GALNTL6: variants seen among roughly 807,000 people sequenced by gnomAD.
GALNTL6 encodes the protein polypeptide N-acetylgalactosaminyltransferase-like 6.
In GALNTL6, 46 loss-of-function variants were observed where a neutral mutation model predicts 73.7. The ratio of observed to expected loss-of-function variants is 0.62; its 90% CI spans 0.49 to 0.80. The LOEUF (loss-of-function observed/expected upper bound fraction) is 0.80. Ranked by LOEUF, GALNTL6 falls within the 30% of genes least tolerant of loss-of-function variation. GALNTL6 has a pLI of 0.00. For synonymous variants in GALNTL6, 259 were observed against 263.7 expected, an observed-to-expected ratio of 0.98 and a Z score of 0.17; for missense variants, 604 against 755.0, an observed-to-expected ratio of 0.80 and a Z score of 2.34.
intron 5 of GALNTL6, among the ~76,000 whole-genome samples, chr4:172,698,231 C>T (rs891602642): frequency 7.2e-5 from 11 of 152,028 alleles, no homozygotes; most frequent in African/African-American, 1.2e-4. Context: ...CTGATGATCT[C>T]GTGTCTTTCT....
intron 5 of GALNTL6, among the ~76,000 whole-genome samples, chr4:172,799,917 A>G (rs764534868): frequency 1.3e-5 from 2 of 152,210 alleles, no homozygotes; most frequent in Non-Finnish European, 2.9e-5. Context: ...TATAAATACA[A>G]TGGAATATTC....
At chr4:172,290,412 G>A (rs1739424757) in intron 3 of GALNTL6, among the ~76,000 whole-genome samples, 1 of 152,018 alleles carries the variant, frequency 6.6e-6, no homozygotes, top group African/African-American at 2.4e-5. Context: ...GTTTATGTCT[G>A]TTTTCTTAGC....
intron 2 of GALNTL6, among the ~76,000 whole-genome samples, chr4:171,829,906 A>C (rs1303468333): frequency 6.6e-6 from 1 of 152,098 alleles, no homozygotes; most frequent in African/African-American, 2.4e-5. Context: ...CTTAAAATGC[A>C]GAGGTCATTC....
At chr4:172,860,104 C>T (rs1475173525) in intron 7 of GALNTL6, among the ~76,000 whole-genome samples, 3 of 152,066 alleles carry the variant, frequency 2.0e-5, no homozygotes, top group African/African-American at 4.8e-5. Context: ...GAAATTGGTC[C>T]CTGGTGCCAA....
At chr4:172,290,739 A>G (rs751882446) in intron 3 of GALNTL6, among the ~76,000 whole-genome samples, 4 of 151,860 alleles carry the variant, frequency 2.6e-5, no homozygotes, top group Non-Finnish European at 5.9e-5. Context: ...GATATAAAAT[A>G]TTTATCATAT....
intron 7 of GALNTL6, among the ~76,000 whole-genome samples, chr4:172,818,843 C>T (rs866538144): frequency 6.6e-5 from 10 of 152,332 alleles, no homozygotes; most frequent in Middle Eastern, 3.4e-3. Context: ...ATGATCTGCC[C>T]GCCTTAGCCT....
intron 8 of GALNTL6, among the ~76,000 whole-genome samples, chr4:172,916,859 G>A (rs907866442): frequency 6.6e-6 from 1 of 152,136 alleles, no homozygotes; most frequent in African/African-American, 2.4e-5. Context: ...TCCCCGTCAA[G>A]CTACCAATGA....
intron 5 of GALNTL6, among the ~76,000 whole-genome samples, chr4:172,757,206 A>G (rs894230423): frequency 1.3e-4 from 20 of 152,330 alleles, no homozygotes; most frequent in African/African-American, 4.6e-4. Flanking sequence ...GCTACTCTTC[A>G]GATAACAGAG....
In GALNTL6 at chr4:172,328,716, G is replaced by A. The variant is rs1007108033; in HGVS notation, c.386+16964G>A. 4.6e-5 allele frequency among the ~76,000 whole-genome samples: 7 copies of A among 152,184 alleles called. No homozygotes were observed. The East Asian group carries it at 9.7e-4, about 21-fold the overall frequency. On this transcript the variant is annotated intron_variant, in intron 4 of 12. Transcript: ENST00000506823. ...CTGGCTATTGCATTGAGAAATTCTC[G>A]TAGTGTGTTTTTTCATACTGGGTGT...
chr4:171,914,542 T>C lies in GALNTL6; in HGVS notation c.138+99824T>C, dbSNP rs574437839. Among the ~76,000 whole-genome samples, 8 of 150,646 alleles carry C rather than the reference T, an allele frequency of 5.3e-5. No homozygotes were observed. In the East Asian group the frequency reaches 1.4e-3, roughly 26 times the overall value. ...ACCTCATGGGTTCAAGCTATCCTCC[T>C]GCCTCAGCCTGGGATTATAGACACG... On this transcript the variant is annotated intron_variant, in intron 2 of 12. Coordinates refer to ENST00000506823, the MANE Select transcript of GALNTL6 (RefSeq NM_001034845.3).
At chr4:172,272,545 T>C (rs1462111295) in intron 3 of GALNTL6, among the ~76,000 whole-genome samples, 1 of 152,158 alleles carries the variant, frequency 6.6e-6, no homozygotes, top group Non-Finnish European at 1.5e-5. Context: ...ACAGAAAAGC[T>C]ACAGTAAAAG....
At chr4:172,871,611 AGTGTGTGTGTGTGTGT>A (rs5864173) in intron 7 of GALNTL6, among the ~76,000 whole-genome samples, 1 of 137,512 alleles carries the variant, frequency 7.3e-6, no homozygotes, top group Non-Finnish European at 1.6e-5. Context: ...TGTGTGTGAG[AGTGTGTGTGTGTGTGT>A]GTGTGTGTGT....
chr4:173,022,062 G>GGAAA (rs1561091619), intron 12 of GALNTL6, among the ~76,000 whole-genome samples: 18 of 117,740 alleles, frequency 1.5e-4, no homozygotes, highest in East Asian at 1.1e-3. Context: ...AAGGAAGGAA[G>GGAAA]GAAGGAAGGA....
chr4:172,112,435 TG>T (rs1732878466), intron 2 of GALNTL6, among the ~76,000 whole-genome samples: 1 of 151,996 alleles, frequency 6.6e-6, no homozygotes, highest in African/African-American at 2.4e-5. Flanking sequence ...CTAAATCCTA[TG>T]GTAAGGGTAT....
At chr4:172,460,993 TA>T (rs1027981960) in intron 5 of GALNTL6, among the ~76,000 whole-genome samples, 4 of 151,890 alleles carry the variant, frequency 2.6e-5, no homozygotes, top group African/African-American at 2.4e-5. Flanking sequence ...ATAGATTGGA[TA>T]AAAAAAATGT....
At chr4:172,226,098 C>T (rs1384850442) in intron 2 of GALNTL6, among the ~76,000 whole-genome samples, 1 of 152,160 alleles carries the variant, frequency 6.6e-6, no homozygotes, top group Non-Finnish European at 1.5e-5. Context: ...ACTATGAAGA[C>T]TATGGTGGTA....
chr4:172,228,889 G>A lies in GALNTL6; in HGVS notation c.139-767G>A, dbSNP rs536998086. On this transcript the variant is annotated intron_variant, in intron 2 of 12. Transcript: ENST00000506823. The stretch of plus-strand genomic sequence containing the variant: ...TTTCAAGTTGACATTATAACATATC[G>A]GACTTTGGAAAAGCATAAACTATAT... Among the ~76,000 whole-genome samples, 10 of 152,186 alleles carry A rather than the reference G, an allele frequency of 6.6e-5. No individual in the cohort carries two copies. In the East Asian group the frequency reaches 7.7e-4, roughly 12 times the overall value.
At chr4:172,050,841 T>C (rs1730839375) in intron 2 of GALNTL6, among the ~76,000 whole-genome samples, 1 of 152,104 alleles carries the variant, frequency 6.6e-6, no homozygotes, top group African/African-American at 2.4e-5. Flanking sequence ...CTCTCAATGA[T>C]TCAAGTGAGA....
At chr4:172,769,283 AT>A (rs1738622272) in intron 5 of GALNTL6, among the ~76,000 whole-genome samples, 1 of 152,156 alleles carries the variant, frequency 6.6e-6, no homozygotes. Flanking sequence ...AAAAAAAGAT[AT>A]TTTAAAGATA....
Sources: allele counts gnomAD v4.1 joint callset (sites outside exome capture counted in the v4.1 genomes callset), GRCh38; gene constraint gnomAD v4.1.1; transcripts MANE v1.5; gene names NCBI Gene and HGNC (gene_info 2026-07-23, HGNC 2026-07-21).